Variants in PROSER2 observed in about 807,000 individuals in gnomAD.
The protein encoded by PROSER2 is proline and serine-rich protein 2.
PROSER2 carries 18 observed loss-of-function variants against 14.6 expected under a neutral mutation model. That is an observed-to-expected ratio of 1.23 (90% confidence interval 0.85 to 1.83). The LOEUF (loss-of-function observed/expected upper bound fraction) is 1.83. PROSER2 is among the 40% of genes most tolerant of loss of function. The pLI is 0.00. For missense variants in PROSER2, 823 were observed against 629.8 expected (o/e 1.31, Z -3.28); for synonymous variants, 367 against 286.4 (o/e 1.28, Z -2.84).
intron 1 of PROSER2, among the ~76,000 whole-genome samples, chr10:11,844,914 T>A (rs559748022): frequency 2.6e-5 from 4 of 152,196 alleles, no homozygotes; most frequent in African/African-American, 4.8e-5. Flanking sequence ...AAGCCACCAC[T>A]CCCAGCCTTC....
rs1834446818 is a variant in PROSER2, at chr10:11,870,093, G to T, written c.995G>T (p.Gly332Val). 2.3e-6 allele frequency: 3 copies of T among 1,297,122 alleles called. No homozygotes were observed. The highest frequency in any genetic ancestry group is 1.6e-5 in the African/African-American group (1 of 63,878). The allele number at this position is 1,297,122 out of a possible 1,614,324, so 80.4% of individuals were successfully genotyped here. Residue 332 changes from glycine (G) to valine (V), a missense_variant, in exon 4 of 4, where the codon GGG becomes GTG. By Grantham distance (109) the Gly-to-Val change is moderately radical. Coordinates refer to ENST00000277570, the MANE Select transcript of PROSER2 (RefSeq NM_153256.4). ...LPGPAESLRAGGQAPRGPALA... is the reference protein window; with the variant it reads ...LPGPAESLRAVGQAPRGPALA... ...GGCCCCGCTGAGAGTCTCCGGGCAG[G>T]GGGTCAGGCTCCGCGGGGCCCGGCG...
chr10:11,851,945 G>T, intron 1 of PROSER2, 52 bp from the exon 2 acceptor site: 2 of 923,664 alleles, frequency 2.2e-6, no homozygotes. Context: ...GGATTGAGGC[G>T]TTTTACAGTC....
intron 1 of PROSER2, among the ~76,000 whole-genome samples, chr10:11,844,346 G>A (rs1240307187): frequency 6.6e-6 from 1 of 151,990 alleles, no homozygotes; most frequent in African/African-American, 2.4e-5. Context: ...ACATTCATAT[G>A]GTTAAAAAAG....
In PROSER2 at chr10:11,869,332, A is replaced by G. The variant is rs1485005520; in HGVS notation, c.392-158A>G. The stretch of plus-strand genomic sequence containing the variant: ...ATGACATACCACCTTCTCCTTCCCT[A>G]GTCCCAGGAACAGGGAGAGAGGAGT... On this transcript the variant is annotated intron_variant, in intron 3 of 3. Transcript: ENST00000277570. The surrounding 1 kb of genome is among the most constrained non-coding windows in gnomAD (Gnocchi z 4.4). The G allele has an allele frequency of 1.6e-6, 1 of 627,840 alleles. No individual in the cohort carries two copies. The highest frequency in any genetic ancestry group is 1.8e-5 in the African/African-American group (1 of 54,218). 38.9% of individuals were successfully genotyped at this position (627,840 alleles called of 1,614,324 possible).
chr10:11,825,197 G>C (rs1218887716), intron 1 of PROSER2, among the ~76,000 whole-genome samples: 1 of 152,208 alleles, frequency 6.6e-6, no homozygotes, highest in Non-Finnish European at 1.5e-5. Context: ...GAAACCTGAA[G>C]GGGGAGAGAG....
rs116509763 is a variant in PROSER2 at position 11,832,555 on chromosome 10, C to G, written c.-82+9085C>G. Reference sequence around the variant, plus strand: ...CGTGTGTAATGTTTATTGGTGTCAACTTTTTAATACATCGTTATTTATGAA... The same window carrying G: ...CGTGTGTAATGTTTATTGGTGTCAAGTTTTTAATACATCGTTATTTATGAA... On this transcript the variant is annotated intron_variant, in intron 1 of 3. Coordinates refer to ENST00000277570, the MANE Select transcript of PROSER2 (RefSeq NM_153256.4). Among the ~76,000 whole-genome samples, 1,100 of 152,254 alleles carry G rather than the reference C, an allele frequency of 7.2e-3. 22 individuals are homozygous for G. The highest frequency in any genetic ancestry group is 0.025 in the African/African-American group (1,038 of 41,542).
At chr10:11,858,294 T>C (rs868019073) in intron 2 of PROSER2, among the ~76,000 whole-genome samples, 1 of 152,226 alleles carries the variant, frequency 6.6e-6, no homozygotes, top group Non-Finnish European at 1.5e-5. Flanking sequence ...TCAGCATTTT[T>C]GTTCAACCAA....
intron 1 of PROSER2, among the ~76,000 whole-genome samples, chr10:11,841,221 C>A (rs1281065733): frequency 1.3e-5 from 2 of 151,696 alleles, no homozygotes; most frequent in African/African-American, 4.8e-5. Flanking sequence ...TTGTCCATTT[C>A]ATCCATGCTT....
At chr10:11,835,431 T>C (rs1833747059) in intron 1 of PROSER2, among the ~76,000 whole-genome samples, 1 of 152,228 alleles carries the variant, frequency 6.6e-6, no homozygotes, top group South Asian at 2.1e-4. Context: ...AAGTAGTCTA[T>C]AAATTACTTT....
Position 11,836,229 on chromosome 10 carries a change from C to A in PROSER2, c.-82+12759C>A. ...TTTATTTTTTTGAGACAGAGTCTCA[C>A]TCTGTTGGCCAGGCTGGTGTGCAGT... On this transcript the variant is annotated intron_variant, in intron 1 of 3. Transcript: ENST00000277570. The surrounding 1 kb of genome is among the most constrained non-coding windows in gnomAD (Gnocchi z 4.6). 6.6e-6 allele frequency among the ~76,000 whole-genome samples: 1 copy of A among 152,068 alleles called. No individual in the cohort carries two copies. Among genetic ancestry groups the A allele is most frequent in the African/African-American group, 2.4e-5 (1 of 41,420 alleles).
chr10:11,846,535 T>C (rs1460197151), intron 1 of PROSER2, among the ~76,000 whole-genome samples: 1 of 152,244 alleles, frequency 6.6e-6, no homozygotes, highest in Non-Finnish European at 1.5e-5. Context: ...TTTTCTTTGT[T>C]ATCAATTTTT....
At chr10:11,863,439 G>A (rs1204693149) in intron 2 of PROSER2, among the ~76,000 whole-genome samples, 2 of 152,072 alleles carry the variant, frequency 1.3e-5, no homozygotes, top group African/African-American at 2.4e-5. Flanking sequence ...TCTGGAGGCT[G>A]AGGCAGGAGA....
At chr10:11,861,445 G>A (rs1834236709) in intron 2 of PROSER2, among the ~76,000 whole-genome samples, 1 of 152,128 alleles carries the variant, frequency 6.6e-6, no homozygotes, top group African/African-American at 2.4e-5. Flanking sequence ...TTATACTGTG[G>A]TACTGGATTG....
At chr10:11,855,571 G>A (rs1207040843) in intron 2 of PROSER2, among the ~76,000 whole-genome samples, 1 of 151,956 alleles carries the variant, frequency 6.6e-6, no homozygotes, top group Non-Finnish European at 1.5e-5. Flanking sequence ...AGTGTCACCT[G>A]GTATATAACA....
At chr10:11,839,661 C>T (rs1833808436) in intron 1 of PROSER2, among the ~76,000 whole-genome samples, 1 of 151,748 alleles carries the variant, frequency 6.6e-6, no homozygotes, top group African/African-American at 2.4e-5. Context: ...CCCGTCTCTA[C>T]TAAAAACACA....
At position 11,869,273 on chromosome 10, in the gene PROSER2, C is replaced by T. The variant is rs117927419; in HGVS notation, c.392-217C>T. On this transcript the variant is annotated intron_variant, in intron 3 of 3. Coordinates refer to ENST00000277570, the MANE Select transcript of PROSER2 (RefSeq NM_153256.4). This position sits in a 1 kb window ranked among gnomAD's most constrained non-coding sequence, Gnocchi z 4.4. ...TGGACTGTCTGACTTGCAGGGCTAT[C>T]GTGATTGTCCCTTATCAGCGTGAGG... 0.016 allele frequency: 9,545 copies of T among 595,166 alleles called. 113 individuals are homozygous for T. The highest frequency in any genetic ancestry group is 0.021 in the Non-Finnish European group (6,920 of 333,502). The allele number at this position is 595,166 out of a possible 1,614,324, so 36.9% of individuals were successfully genotyped here. A position where few individuals can be genotyped will look rare whatever the true frequency, so the allele number is the denominator to read the frequency against.
intron 1 of PROSER2, among the ~76,000 whole-genome samples, chr10:11,848,744 C>T (rs1833965023): frequency 6.6e-6 from 1 of 152,208 alleles, no homozygotes; most frequent in African/African-American, 2.4e-5. Context: ...TTTTGCAACC[C>T]GTGTTGTATC....
chr10:11,829,697 C>T (rs1268753243), intron 1 of PROSER2, among the ~76,000 whole-genome samples: 1 of 106,618 alleles, frequency 9.4e-6, no homozygotes, highest in Admixed American at 9.5e-5. Context: ...AATTGCCCTC[C>T]ATCTACACCA....
chr10:11,861,671 G>A lies in PROSER2; in HGVS notation c.139-4860G>A, dbSNP rs924261830. On this transcript the variant is annotated intron_variant, in intron 2 of 3. Transcript: ENST00000277570. ...TGTGGCCCGTAGCTGCCCCCACTCC[G>A]TGCTTTTGTAAATACAGTTCAGTGT... Among the ~76,000 whole-genome samples, 8 of 152,168 alleles carry A rather than the reference G, an allele frequency of 5.3e-5. 1 individual carries two copies. The highest frequency in any genetic ancestry group is 1.5e-5 in the Non-Finnish European group (1 of 68,032).
Sources: allele counts gnomAD v4.1 joint callset (sites outside exome capture counted in the v4.1 genomes callset), GRCh38; gene constraint gnomAD v4.1.1; non-coding constraint Gnocchi (gnomAD v3.1); transcripts MANE v1.5; gene names NCBI Gene and HGNC (gene_info 2026-07-23, HGNC 2026-07-21).